Variants in KLF12 observed in about 807,000 individuals in gnomAD.
The protein encoded by KLF12 is Krueppel-like factor 12.
Under a neutral mutation model 37.8 loss-of-function variants are expected in KLF12, and 9 were observed. The ratio of observed to expected loss-of-function variants is 0.24; its 90% CI spans 0.14 to 0.42. The LOEUF is 0.42. Among genes scored for constraint, KLF12 ranks in the 10% least tolerant of loss-of-function variants. The pLI is 1.00. For missense variants in KLF12, 411 were observed against 516.0 expected (o/e 0.80, Z 1.97); for synonymous variants, 208 against 202.1 (o/e 1.03, Z -0.25).
At chr13:73,889,270 TG>T (rs1305923525) in intron 3 of KLF12, among the ~76,000 whole-genome samples, 3 of 152,246 alleles carry the variant, frequency 2.0e-5, no homozygotes. Flanking sequence ...TATGTATATG[TG>T]TATGTGCATA....
intron 5 of KLF12, among the ~76,000 whole-genome samples, chr13:73,789,528 A>G (rs1364805952): frequency 1.3e-5 from 2 of 152,078 alleles, no homozygotes; most frequent in Non-Finnish European, 2.9e-5. Flanking sequence ...GGGTAAGACC[A>G]CGCAAAATTT....
At chr13:73,818,168 T>G (rs1258733379) in intron 4 of KLF12, among the ~76,000 whole-genome samples, 1 of 152,272 alleles carries the variant, frequency 6.6e-6, no homozygotes, top group Non-Finnish European at 1.5e-5. Context: ...TATTTTCAGA[T>G]GGAGTCTTAC....
intron 2 of KLF12, among the ~76,000 whole-genome samples, chr13:73,978,652 A>C (rs1891608810): frequency 2.6e-5 from 4 of 152,200 alleles, no homozygotes. Context: ...ATGATCTAGT[A>C]ATCTTACTCT....
At chr13:73,746,408 G>A (rs755149805) in intron 6 of KLF12, among the ~76,000 whole-genome samples, 5 of 152,148 alleles carry the variant, frequency 3.3e-5, no homozygotes, top group Non-Finnish European at 5.9e-5. Context: ...ACACACAGCC[G>A]CAACATAACT....
chr13:74,002,012 A>T (rs1174473795), intron 1 of KLF12, among the ~76,000 whole-genome samples: 4 of 152,234 alleles, frequency 2.6e-5, no homozygotes, highest in East Asian at 1.9e-4. Context: ...CAATCAAAGG[A>T]CTTAATAGAT....
the KLF12 span, among the ~76,000 whole-genome samples, chr13:74,191,145 C>G: frequency 1.3e-5 from 2 of 152,220 alleles, no homozygotes; most frequent in African/African-American, 2.4e-5. Context: ...ATTGTGAACT[C>G]TCTCTCTAAT....
the KLF12 span, among the ~76,000 whole-genome samples, chr13:74,234,947 TCTATCTAC>T: frequency 5.6e-5 from 5 of 88,588 alleles, no homozygotes; most frequent in Admixed American, 2.0e-4. Context: ...GTACTCACTC[TCTATCTAC>T]CTATCTATCT....
intron 1 of KLF12, among the ~76,000 whole-genome samples, chr13:74,012,066 G>A (rs561387201): frequency 1.3e-5 from 2 of 152,186 alleles, no homozygotes; most frequent in African/African-American, 4.8e-5. Flanking sequence ...CCAAAGACAT[G>A]TTTTCTTGTT....
At chr13:74,121,178 GAGAATTAC>G (rs1877615046) in intron 1 of KLF12, among the ~76,000 whole-genome samples, 1 of 152,038 alleles carries the variant, frequency 6.6e-6, no homozygotes. Flanking sequence ...GCACTGAAAA[GAGAATTAC>G]AGAAATTCAC....
At chr13:74,048,199 C>T (rs1893597947) in intron 1 of KLF12, among the ~76,000 whole-genome samples, 1 of 152,206 alleles carries the variant, frequency 6.6e-6, no homozygotes, top group African/African-American at 2.4e-5. Flanking sequence ...TATACATCAG[C>T]TTACATCTCA....
At position 74,121,996 on chromosome 13, in the gene KLF12, T is replaced by TG. The variant is rs988656446; in HGVS notation, c.-32+11742dup. ...ATTCCAAATAGATTAAAGACAAAAA[T>TG]GGGGGGGAAAATTAAATCTAGTGAG... On this transcript the variant is annotated intron_variant, in intron 1 of 7. Transcript: ENST00000377669. Among the ~76,000 whole-genome samples the TG allele has an allele frequency of 1.5e-4, 23 of 151,792 alleles. 1 individual carries two copies. Among genetic ancestry groups the TG allele is most frequent in the African/African-American group, 4.3e-4 (18 of 41,408 alleles).
intron 3 of KLF12, among the ~76,000 whole-genome samples, chr13:73,910,356 C>T (rs1410950489): frequency 6.6e-6 from 1 of 152,086 alleles, no homozygotes; most frequent in Non-Finnish European, 1.5e-5. Flanking sequence ...TGTTCTAGTA[C>T]TCAAATGCCT....
rs74095908 is a variant in KLF12, at chr13:73,938,885, G to A, written c.123+5096C>T. On this transcript the variant is annotated intron_variant, in intron 3 of 7. Transcript: ENST00000377669. ...TTGACGTGATTCTATACTTGTCTGC[G>A]GCAATGCCTGCACCCTTTCTAGCTA... is the stretch of plus-strand genomic sequence containing the variant. Among the ~76,000 whole-genome samples the A allele has an allele frequency of 2.4e-3, 369 of 152,158 alleles. 4 individuals carry two copies. Among genetic ancestry groups the A allele is most frequent in the African/African-American group, 8.1e-3 (338 of 41,508 alleles).
At chr13:73,888,100 T>C (rs1479496698) in intron 3 of KLF12, among the ~76,000 whole-genome samples, 1 of 151,992 alleles carries the variant, frequency 6.6e-6, no homozygotes, top group Non-Finnish European at 1.5e-5. Flanking sequence ...CACCCTAGAC[T>C]CAAGCGATCC....
At position 73,808,150 on chromosome 13, in the gene KLF12, T is replaced by C. The variant is rs149869605; in HGVS notation, c.806+5002A>G. ...TTATTTCATAACTATGTTTGTCAAGTTGTTAAGGGTAATGACCCTGTTTTA... is the reference window on the plus strand; with the variant it reads ...TTATTTCATAACTATGTTTGTCAAGCTGTTAAGGGTAATGACCCTGTTTTA... On this transcript the variant is annotated intron_variant, in intron 5 of 7. Coordinates refer to ENST00000377669, the MANE Select transcript of KLF12 (RefSeq NM_007249.5). Among the ~76,000 whole-genome samples the C allele has an allele frequency of 4.2e-3, 644 of 152,252 alleles. 4 individuals carry two copies. The highest frequency in any genetic ancestry group is 4.6e-3 in the Non-Finnish European group (311 of 68,014).
the KLF12 span, among the ~76,000 whole-genome samples, chr13:74,249,401 T>A: frequency 6.9e-6 from 1 of 144,912 alleles, no homozygotes; most frequent in African/African-American, 2.6e-5. Flanking sequence ...CTCAATGCCA[T>A]AAATGTCTGC....
rs59799453 is a variant in KLF12, at chr13:73,710,378, C to CTGTGTGTG, written c.1027+4982_1027+4989dup. ...CTTTATTGCATTTCGAAGATATTGT[C>CTGTGTGTG]TGTGTGTGTGTGTGTGTGTGTGTGT... On this transcript the variant is annotated intron_variant, in intron 7 of 7. Transcript: ENST00000377669. Among the ~76,000 whole-genome samples the CTGTGTGTG allele has an allele frequency of 2.3e-4, 33 of 144,000 alleles. No individual in the cohort carries two copies. The East Asian group carries it at 3.5e-3, about 15-fold the overall frequency. The allele number at this position is 144,000 out of a possible 152,430, so 94.5% of individuals were successfully genotyped here. A position where few individuals can be genotyped will look rare whatever the true frequency, so the allele number is the denominator to read the frequency against.
At chr13:74,226,664 A>T in the KLF12 span, among the ~76,000 whole-genome samples, 1 of 151,748 alleles carries the variant, frequency 6.6e-6, no homozygotes, top group South Asian at 2.1e-4. Context: ...AAAATTGTGA[A>T]TTTTTTTCTC....
At chr13:73,880,809 T>A (rs1886943891) in intron 3 of KLF12, among the ~76,000 whole-genome samples, 1 of 152,206 alleles carries the variant, frequency 6.6e-6, no homozygotes, top group South Asian at 2.1e-4. Flanking sequence ...CCTAGCAGTA[T>A]AACTAACCAA....
Sources: allele counts gnomAD v4.1 joint callset (sites outside exome capture counted in the v4.1 genomes callset), GRCh38; gene constraint gnomAD v4.1.1; transcripts MANE v1.5; gene names NCBI Gene and HGNC (gene_info 2026-07-23, HGNC 2026-07-21).